TTLL1: variants seen among roughly 807,000 people sequenced by gnomAD.
The protein encoded by TTLL1 is polyglutamylase complex subunit TTLL1.
Under a neutral mutation model 47.8 loss-of-function variants are expected in TTLL1, and 33 were observed. That is an observed-to-expected ratio of 0.69 (90% CI 0.52 to 0.92). The LOEUF (loss-of-function observed/expected upper bound fraction) is 0.92. TTLL1 is among the 40% of genes least tolerant of loss of function. TTLL1 has a pLI of 0.00. For missense variants in TTLL1, 488 were observed against 547.5 expected (o/e 0.89, Z 1.08); for synonymous variants, 225 against 214.1 (o/e 1.05, Z -0.45).
At chr22:43,061,760 C>T (rs1927399886) in intron 7 of TTLL1, among the ~76,000 whole-genome samples, 1 of 152,146 alleles carries the variant, frequency 6.6e-6, no homozygotes, top group Non-Finnish European at 1.5e-5. Flanking sequence ...GGCGTCCTTT[C>T]AGCCCCTGTA....
At chr22:43,088,851 G>A (rs1200619992) in intron 1 of TTLL1, among the ~76,000 whole-genome samples, 1 of 152,202 alleles carries the variant, frequency 6.6e-6, no homozygotes, top group East Asian at 1.9e-4. Context: ...GGGAATCAGA[G>A]AGGGGAAATG....
Position 43,039,787 on chromosome 22 carries a change from T to C in TTLL1, c.1261A>G (p.Thr421Ala). ...GGTCCAGGTGGGACTCACTTCCAGGTGGTGAGGACCGCTCTCCCCGAGTCT... is the reference window on the plus strand; with the variant it reads ...GGTCCAGGTGGGACTCACTTCCAGGCGGTGAGGACCGCTCTCCCCGAGTCT... The part of the protein sequence containing the change: ...SRDSGRAVLT[T>A]WK The change falls in exon 11 of 11, where the codon ACC becomes GCC. Residue 421 changes from threonine to alanine, a missense_variant. Physicochemically the swap from Thr to Ala is moderately conservative, Grantham distance 58. Coordinates refer to ENST00000266254, the MANE Select transcript of TTLL1 (RefSeq NM_012263.5). 6.2e-7 allele frequency: 1 copy of C among 1,611,150 alleles called. No individual in the cohort carries two copies. The highest frequency in any genetic ancestry group is 1.1e-5 in the South Asian group (1 of 90,884).
chr22:43,064,278 T>G lies in TTLL1; in HGVS notation c.550A>C (p.Ile184Leu). 6.2e-7 allele frequency: 1 copy of G among 1,614,080 alleles called. No homozygotes were observed. Among genetic ancestry groups the G allele is most frequent in the Non-Finnish European group, 8.5e-7 (1 of 1,180,026 alleles). ...CCGCCAATTAGTAACGGGTTGTTAA[T>G]ATAGAGAGAGATCACGTAGGCTTCC... is the stretch of plus-strand genomic sequence containing the variant. Reference protein sequence around the residue: ...NKEAYVISLYINNPLLIGGRK... With the variant: ...NKEAYVISLYLNNPLLIGGRK... Residue 184 changes from isoleucine to leucine, a missense_variant, in exon 6 of 11, where the codon ATT becomes CTT. Ile to Leu is a conservative substitution (Grantham distance 5). Transcript: ENST00000266254.
At chr22:43,074,397 A>T (rs1928340920) in intron 3 of TTLL1, among the ~76,000 whole-genome samples, 1 of 146,388 alleles carries the variant, frequency 6.8e-6, no homozygotes, top group African/African-American at 2.6e-5. Flanking sequence ...ATGGCACTCC[A>T]GTCTGGGTGA....
intron 2 of TTLL1, among the ~76,000 whole-genome samples, chr22:43,078,221 T>C (rs933427177): frequency 5.9e-5 from 9 of 151,654 alleles, no homozygotes; most frequent in African/African-American, 2.2e-4. Flanking sequence ...CTCAGCTGGG[T>C]GCAGTGGCTC....
chr22:43,054,225 T>C (rs2146967655), intron 8 of TTLL1, among the ~76,000 whole-genome samples: 1 of 152,298 alleles, frequency 6.6e-6, no homozygotes, highest in East Asian at 1.9e-4. Context: ...ATAAGGAGCT[T>C]CAGTGGGACA....
rs144890346 is a variant in TTLL1 at position 43,061,913 on chromosome 22, A to G, written c.747+1900T>C. Among the ~76,000 whole-genome samples the G allele has an allele frequency of 2.0e-3, 299 of 152,276 alleles. 2 individuals are homozygous for G. Among genetic ancestry groups the G allele is most frequent in the Middle Eastern group, 6.8e-3 (2 of 294 alleles). The stretch of plus-strand genomic sequence containing the variant: ...CAGGGAAGCCTTCTCCAACCACTGG[A>G]TAAGGGGCTTCTTTTGTTCCATGAT... On this transcript the variant is annotated intron_variant, in intron 7 of 10. Coordinates refer to ENST00000266254, the MANE Select transcript of TTLL1 (RefSeq NM_012263.5).
chr22:43,069,862 G>T lies in TTLL1; in HGVS notation c.114-18C>A. The T allele has an allele frequency of 6.2e-7, 1 of 1,613,450 alleles. No individual in the cohort carries two copies. Among genetic ancestry groups the T allele is most frequent in the Non-Finnish European group, 8.5e-7 (1 of 1,179,784 alleles). ...CACTCATCCTGAAAGAGATGAGCAG[G>T]AGAGACACTTGGCAGTGATGTCTGT... On this transcript the variant is annotated intron_variant, in intron 3 of 10. Coordinates refer to ENST00000266254, the MANE Select transcript of TTLL1 (RefSeq NM_012263.5).
At chr22:43,048,609 A>G (rs1926345996) in intron 9 of TTLL1, among the ~76,000 whole-genome samples, 1 of 151,644 alleles carries the variant, frequency 6.6e-6, no homozygotes, top group South Asian at 2.1e-4. Context: ...ATTGCACTCC[A>G]GCCTGGAACA....
At chr22:43,080,901 A>ATTTTTTT (rs1928831828) in intron 1 of TTLL1, among the ~76,000 whole-genome samples, 1 of 46,188 alleles carries the variant, frequency 2.2e-5, no homozygotes, top group Non-Finnish European at 5.0e-5. Flanking sequence ...GTGTTGCATG[A>ATTTTTTT]CTTTTTTTTT....
At chr22:43,074,164 C>T (rs757054459) in intron 3 of TTLL1, among the ~76,000 whole-genome samples, 3 of 151,982 alleles carry the variant, frequency 2.0e-5, no homozygotes, top group East Asian at 2.0e-4. Context: ...CAGTGGCTCA[C>T]GCCTGTAATC....
intron 8 of TTLL1, among the ~76,000 whole-genome samples, chr22:43,053,181 C>T (rs1926760722): frequency 6.6e-6 from 1 of 152,202 alleles, no homozygotes. Flanking sequence ...CACAGTTTTA[C>T]AGGCTCCTCA....
rs539814031 is a variant in TTLL1 at position 43,075,384 on chromosome 22, C to A, written c.113+90G>T. On this transcript the variant is annotated intron_variant, in intron 3 of 10. Transcript: ENST00000266254. ...ATGGCACAATGACAGGAGACAGTGG[C>A]TCTGAGGCCACTCTCTGGGAGGCAC... The A allele has an allele frequency of 8.4e-6, 9 of 1,077,018 alleles. No homozygotes were observed. In the South Asian group the frequency reaches 1.2e-4, roughly 14 times the overall value. 66.7% of individuals were successfully genotyped at this position (1,077,018 alleles called of 1,614,324 possible).
chr22:43,062,816 G>A (rs1927471552), intron 7 of TTLL1, among the ~76,000 whole-genome samples: 1 of 152,058 alleles, frequency 6.6e-6, no homozygotes, highest in African/African-American at 2.4e-5. Context: ...AACAGAGCGA[G>A]ACTCCGCCTC....
At chr22:43,048,249 G>A (rs1041017200) in intron 9 of TTLL1, among the ~76,000 whole-genome samples, 2 of 151,836 alleles carry the variant, frequency 1.3e-5, no homozygotes, top group Non-Finnish European at 2.9e-5. Flanking sequence ...CCCGGGAGGT[G>A]GAGGTTGCAG....
At chr22:43,058,982 C>G (rs924403684) in intron 8 of TTLL1, among the ~76,000 whole-genome samples, 3 of 150,586 alleles carry the variant, frequency 2.0e-5, no homozygotes, top group Non-Finnish European at 1.5e-5. Context: ...CGTTAACCAA[C>G]GCGCCCAGCC....
chr22:43,044,265 C>A (rs1925927980), intron 10 of TTLL1, among the ~76,000 whole-genome samples: 2 of 152,154 alleles, frequency 1.3e-5, no homozygotes, highest in Admixed American at 1.3e-4. Flanking sequence ...TGACTGGTCA[C>A]CCCTGAAGTT....
chr22:43,049,725 C>T (rs1324247811), intron 9 of TTLL1, among the ~76,000 whole-genome samples: 1 of 149,638 alleles, frequency 6.7e-6, no homozygotes, highest in African/African-American at 2.5e-5. Context: ...GCTATGATTA[C>T]ACCACTGCCT....
chr22:43,063,247 CT>C (rs894471379), intron 7 of TTLL1, among the ~76,000 whole-genome samples: 9 of 152,154 alleles, frequency 5.9e-5, no homozygotes, highest in Non-Finnish European at 1.3e-4. Context: ...GGCCACAGAA[CT>C]AGAAAGGCAG....
Sources: allele counts gnomAD v4.1 joint callset (sites outside exome capture counted in the v4.1 genomes callset), GRCh38; gene constraint gnomAD v4.1.1; transcripts MANE v1.5; gene names NCBI Gene and HGNC (gene_info 2026-07-23, HGNC 2026-07-21).